The following ZNF124 variants were observed in gnomAD, a reference collection of about 807,000 sequenced individuals.
ZNF124 encodes the protein zinc finger protein HZF-16.
A neutral mutation model predicts 26.6 loss-of-function variants in ZNF124; 25 were observed. That is an observed-to-expected ratio of 0.94 (90% confidence interval 0.68 to 1.31). The LOEUF is 1.31. ZNF124 is among the 40% of genes most tolerant of loss of function. The probability of loss-of-function intolerance (pLI) is 0.00; values close to 1 mark genes in which losing one functional copy is unlikely to be tolerated. For missense variants in ZNF124, 444 were observed against 422.2 expected (o/e 1.05, Z -0.45); for synonymous variants, 129 against 133.3 (o/e 0.97, Z 0.22).
intron 1 of ZNF124, among the ~76,000 whole-genome samples, chr1:247,170,155 G>A (rs1572106708): frequency 3.0e-5 from 4 of 132,070 alleles, no homozygotes; most frequent in Middle Eastern, 7.4e-3. Flanking sequence ...GTGTGCCTAG[G>A]GAAGACAAAA....
At chr1:247,126,065 CA>C (rs999318573) in intron 3 of ZNF124, among the ~76,000 whole-genome samples, 6 of 152,102 alleles carry the variant, frequency 3.9e-5, no homozygotes, top group Admixed American at 3.9e-4. Flanking sequence ...AGTTCGAGAC[CA>C]GCCTGACCAA....
At chr1:247,140,352 T>C (rs1343724240) in intron 3 of ZNF124, among the ~76,000 whole-genome samples, 1 of 152,248 alleles carries the variant, frequency 6.6e-6, no homozygotes, top group Non-Finnish European at 1.5e-5. Flanking sequence ...CTCTTTTTTA[T>C]ATCAGTTATC....
chr1:247,127,490 T>A (rs1217575115), intron 3 of ZNF124, among the ~76,000 whole-genome samples: 7 of 110,292 alleles, frequency 6.3e-5, no homozygotes, highest in Non-Finnish European at 1.2e-4. Flanking sequence ...ATGCCCAATT[T>A]CTGCCTCCAA....
intron 3 of ZNF124, among the ~76,000 whole-genome samples, chr1:247,130,816 G>A (rs4925528): frequency 0.079 from 11,983 of 152,206 alleles, 785 homozygotes; most frequent in African/African-American, 0.17. Flanking sequence ...GGTGGCTCAC[G>A]CCTGTAATCC....
At chr1:247,162,577 CTG>C (rs1405825908) in intron 1 of ZNF124, among the ~76,000 whole-genome samples, 1 of 140,860 alleles carries the variant, frequency 7.1e-6, no homozygotes, top group African/African-American at 2.7e-5. Flanking sequence ...CAATGTATGA[CTG>C]TATATCTTTA....
chr1:247,125,976 G>A (rs917205355), intron 3 of ZNF124, among the ~76,000 whole-genome samples: 1 of 129,930 alleles, frequency 7.7e-6, no homozygotes, highest in Non-Finnish European at 1.6e-5. Flanking sequence ...TCTAGAAAAT[G>A]TAATAGTCCA....
At chr1:247,145,377 T>C (rs1464170563) in intron 3 of ZNF124, among the ~76,000 whole-genome samples, 2 of 151,864 alleles carry the variant, frequency 1.3e-5, no homozygotes, top group Admixed American at 6.6e-5. Context: ...GTGTCTGGAG[T>C]CAGTTTTTAT....
chr1:247,157,173 T>C lies in ZNF124; in HGVS notation c.449A>G (p.Tyr150Cys), dbSNP rs571897452. Reference sequence around the variant, plus strand: ...GGCTTTCCCACATTCCATACATTCATAGGGTTTCTCTCCAGTGTGATTTCT... The same window carrying C: ...GGCTTTCCCACATTCCATACATTCACAGGGTTTCTCTCCAGTGTGATTTCT... Reference protein sequence around the residue: ...HQRNHTGEKPYECMECGKALG... With the variant: ...HQRNHTGEKPCECMECGKALG... The change falls in exon 4 of 4, where the codon TAT (tyrosine) becomes TGT (cysteine). Residue 150 changes from tyrosine to cysteine, a missense_variant. Tyr to Cys is a radical substitution (Grantham distance 194). Coordinates refer to ENST00000543802, the MANE Select transcript of ZNF124 (RefSeq NM_001297568.2). 18 of 1,614,110 alleles carry C rather than the reference T, an allele frequency of 1.1e-5. No individual in the cohort carries two copies. Among genetic ancestry groups the C allele is most frequent in the East Asian group, 6.7e-5 (3 of 44,888 alleles).
intron 3 of ZNF124, chr1:247,138,663 C>T (rs1351250376): frequency 2.5e-6 from 1 of 398,358 alleles, no homozygotes; most frequent in African/African-American, 2.1e-5. Context: ...ATGGCAATTC[C>T]TTGCCCCAAG....
At chr1:247,154,332 T>G (rs762967584), downstream of ZNF124, among the ~76,000 whole-genome samples, 7 of 152,154 alleles carry the variant, frequency 4.6e-5, no homozygotes, top group Non-Finnish European at 1.0e-4. Context: ...GTACTTCTCC[T>G]TCCTGCCACC....
downstream of ZNF124, among the ~76,000 whole-genome samples, chr1:247,154,438 T>C (rs531955364): frequency 4.6e-5 from 7 of 152,184 alleles, no homozygotes; most frequent in Non-Finnish European, 1.0e-4. Flanking sequence ...GGGAGTCAAT[T>C]AAATCTCTTT....
chr1:247,125,430 C>CTTT (rs71566695), intron 3 of ZNF124, among the ~76,000 whole-genome samples: 2,065 of 43,398 alleles, frequency 0.048, 248 homozygotes, highest in Middle Eastern at 0.17. Context: ...CTGTTTTTGT[C>CTTT]TTTTTTTTTT....
chr1:247,150,943 CTGAG>C (rs1201030072), downstream of ZNF124, among the ~76,000 whole-genome samples: 9 of 151,618 alleles, frequency 5.9e-5, no homozygotes, highest in African/African-American at 2.2e-4. Flanking sequence ...AAGAGAGAGA[CTGAG>C]TGAGAGAGAT....
intron 3 of ZNF124, chr1:247,123,894 G>A (rs1254742273): frequency 1.4e-6 from 1 of 702,142 alleles, no homozygotes; most frequent in Admixed American, 2.0e-5. Context: ...GCATGATACT[G>A]ATTGCAAAAA....
intron 3 of ZNF124, among the ~76,000 whole-genome samples, chr1:247,145,393 T>C (rs991775447): frequency 1.3e-5 from 2 of 152,130 alleles, no homozygotes; most frequent in Non-Finnish European, 1.5e-5. Context: ...TTTATGTTGA[T>C]GGTGTGAGCA....
Position 247,159,055 on chromosome 1 carries a change from C to T in ZNF124, c.169G>A (p.Glu57Lys), listed in dbSNP as rs1673327220. The change falls in exon 3 of 4, where the codon GAA (glutamate) becomes AAA (lysine). Residue 57 changes from glutamate (E) to lysine (K), a missense_variant. By Grantham distance (56) the Glu-to-Lys change is moderately conservative (BLOSUM62 1). Coordinates refer to ENST00000543802, the MANE Select transcript of ZNF124 (RefSeq NM_001297568.2). ...TACTGATCTTCAATGCTCTGGTCTT[C>T]CCCTTTGTTTCCTAAAATGTAGACC... is the stretch of plus-strand genomic sequence containing the variant. ...RNLASIGNKG[E>K]DQSIEDQYKN... 1 of 1,611,472 alleles carries T rather than the reference C, an allele frequency of 6.2e-7. No homozygotes were observed. The highest frequency in any genetic ancestry group is 8.5e-7 in the Non-Finnish European group (1 of 1,179,336).
intron 3 of ZNF124, among the ~76,000 whole-genome samples, chr1:247,127,510 A>T (rs938870174): frequency 8.2e-6 from 1 of 121,286 alleles, no homozygotes; most frequent in Non-Finnish European, 1.8e-5. Flanking sequence ...AAGAAAGAAG[A>T]AGTAAAAACT....
intron 1 of ZNF124, 28 bp from the exon 2 acceptor site, chr1:247,159,841 A>G (rs937380315): frequency 9.4e-6 from 15 of 1,595,710 alleles, no homozygotes; most frequent in Non-Finnish European, 1.3e-5. Context: ...TTTGTAGAGG[A>G]TGGATGAGAC....
chr1:247,150,602 G>A (rs1418288705), downstream of ZNF124, among the ~76,000 whole-genome samples: 6 of 151,272 alleles, frequency 4.0e-5, no homozygotes, highest in Non-Finnish European at 7.4e-5. Context: ...GCATCTCTGT[G>A]GCCTTAAAAT....
Sources: allele counts gnomAD v4.1 joint callset (sites outside exome capture counted in the v4.1 genomes callset), GRCh38; gene constraint gnomAD v4.1.1; transcripts MANE v1.5; gene names NCBI Gene and HGNC (gene_info 2026-07-23, HGNC 2026-07-21).